Variants in WFS1 observed in about 807,000 individuals in gnomAD.
WFS1 encodes the protein wolframin ER transmembrane glycoprotein, also known as wolframin.
In WFS1, 90 loss-of-function variants were observed where a neutral mutation model predicts 68.5. That is an observed-to-expected ratio of 1.31 (90% CI 1.11 to 1.56). The LOEUF (loss-of-function observed/expected upper bound fraction) is 1.56, where lower values mean the gene tolerates loss of function less well. WFS1 is among the 40% of genes most tolerant of loss of function. The pLI is 0.00. For synonymous variants in WFS1, 860 were observed against 540.7 expected (o/e 1.59, Z -8.19); for missense variants, 1,767 against 1,232.6 (o/e 1.43, Z -6.49).
intron 1 of WFS1, among the ~76,000 whole-genome samples, chr4:6,271,215 G>A (rs1729829788): frequency 6.6e-6 from 1 of 152,206 alleles, no homozygotes; most frequent in South Asian, 2.1e-4. Flanking sequence ...GGTCTCCGTT[G>A]TATCCAACCA....
chr4:6,292,221 C>G (rs1388850060), intron 6 of WFS1, among the ~76,000 whole-genome samples: 2 of 152,226 alleles, frequency 1.3e-5, no homozygotes, highest in African/African-American at 2.4e-5. Context: ...GGAGTAGACC[C>G]TGCCCACCTG....
chr4:6,276,385 G>A (rs1482649954), intron 1 of WFS1, among the ~76,000 whole-genome samples: 4 of 152,190 alleles, frequency 2.6e-5, no homozygotes, highest in Non-Finnish European at 5.9e-5. Context: ...ATAAAATAAA[G>A]CCCTTGCTCC....
At chr4:6,292,932 G>A (rs563839914) in intron 6 of WFS1, among the ~76,000 whole-genome samples, 5 of 152,342 alleles carry the variant, frequency 3.3e-5, no homozygotes, top group African/African-American at 1.2e-4. Flanking sequence ...CGTCCATAGG[G>A]TGTGGTCAGA....
chr4:6,294,272 C>G (rs1431011220), intron 6 of WFS1, among the ~76,000 whole-genome samples: 1 of 152,152 alleles, frequency 6.6e-6, no homozygotes, highest in Non-Finnish European at 1.5e-5. Context: ...CTCATTCCCT[C>G]CTAGGGGATC....
rs111997357 is a variant in WFS1 at position 6,281,119 on chromosome 4, C to T, written c.232+3432C>T. Reference sequence around the variant, plus strand: ...GGGGTAGGGGGATTGCTTTGGCAGCCACAGGGACACAGATGCGGACAGGAG... The same window carrying T: ...GGGGTAGGGGGATTGCTTTGGCAGCTACAGGGACACAGATGCGGACAGGAG... On this transcript the variant is annotated intron_variant, in intron 2 of 7. Transcript: ENST00000226760. 4.4e-3 allele frequency among the ~76,000 whole-genome samples: 671 copies of T among 152,292 alleles called. 2 individuals carry two copies. The highest frequency in any genetic ancestry group is 7.2e-3 in the Non-Finnish European group (487 of 68,014).
rs1313751890 is a variant in WFS1, at chr4:6,300,662, C to T, written c.867C>T (p.Val289=). The change falls in exon 8 of 8, where the codon GTC becomes GTT. Residue 289 remains valine (V), a synonymous_variant. Transcript: ENST00000226760. The part of the protein sequence containing the change: ...PEDLPLRLKV[V]KYPLHAIMEI... ...ACGTACCATCTTTCCCCCAGGTGGT[C>T]AAGTACCCCCTGCACGCCATCATGG... is the stretch of plus-strand genomic sequence containing the variant. 6.2e-7 allele frequency: 1 copy of T among 1,613,834 alleles called. No homozygotes were observed. Among genetic ancestry groups the T allele is most frequent in the African/African-American group, 1.3e-5 (1 of 74,860 alleles).
chr4:6,273,262 C>T (rs922724581), intron 1 of WFS1, among the ~76,000 whole-genome samples: 10 of 152,254 alleles, frequency 6.6e-5, no homozygotes, highest in Admixed American at 2.6e-4. Flanking sequence ...GGCGGCCTCT[C>T]AGCTGAACTC....
intron 7 of WFS1, among the ~76,000 whole-genome samples, chr4:6,299,728 ATGCGGGTAGGTTGCG>A (rs1730786921): frequency 4.1e-5 from 2 of 48,238 alleles, no homozygotes; most frequent in African/African-American, 1.6e-4. Flanking sequence ...GGTTGTGTGA[ATGCGGGTAGGTTGCG>A]TGTGTGTGTG....
chr4:6,291,153 C>G, intron 4 of WFS1, 44 bp from the exon 5 acceptor site: 1 of 1,606,622 alleles, frequency 6.2e-7, no homozygotes, highest in Non-Finnish European at 8.5e-7. Context: ...CACCGAAAGC[C>G]TAGGCAGGGC....
chr4:6,299,510 TGC>T lies in WFS1; in HGVS notation c.862-1145_862-1144del, dbSNP rs1295039704. 5.2e-4 allele frequency among the ~76,000 whole-genome samples: 73 copies of T among 141,160 alleles called. 2 individuals are homozygous for T. Among genetic ancestry groups the T allele is most frequent in the African/African-American group, 1.9e-3 (67 of 36,054 alleles). 92.6% of individuals were successfully genotyped at this position (141,160 alleles called of 152,430 possible). A position where few individuals can be genotyped will look rare whatever the true frequency, so the allele number is the denominator to read the frequency against. On this transcript the variant is annotated intron_variant, in intron 7 of 7. Transcript: ENST00000226760. ...TGTGCACGTGTGTGTAGGGGTGGGTTGCGTGTGTGTGAATGTGTATAGGGGTG... is the reference window on the plus strand; with the variant it reads ...TGTGCACGTGTGTGTAGGGGTGGGTTGTGTGTGTGAATGTGTATAGGGGTG...
chr4:6,285,116 C>A (rs1730274886), intron 2 of WFS1, among the ~76,000 whole-genome samples: 1 of 151,530 alleles, frequency 6.6e-6, no homozygotes, highest in African/African-American at 2.4e-5. Context: ...TCCTTGAGGA[C>A]CCCGGCAAGG....
intron 4 of WFS1, among the ~76,000 whole-genome samples, chr4:6,290,881 A>G (rs1730441507): frequency 6.6e-6 from 1 of 152,212 alleles, no homozygotes; most frequent in Admixed American, 6.5e-5. Context: ...TGAGTGAGCC[A>G]GAACACAGGC....
Position 6,280,802 on chromosome 4 carries a change from C to T in WFS1, c.232+3115C>T, listed in dbSNP as rs374505302. Among the ~76,000 whole-genome samples, 7 of 152,058 alleles carry T rather than the reference C, an allele frequency of 4.6e-5. No individual in the cohort carries two copies. The East Asian group carries it at 1.4e-3, about 29-fold the overall frequency. ...GCGGCCCTGAGCTCTCCTGCTGTCTCTGTCATTCACGGGTCTACCAGTAGG... is the reference window on the plus strand; with the variant it reads ...GCGGCCCTGAGCTCTCCTGCTGTCTTTGTCATTCACGGGTCTACCAGTAGG... On this transcript the variant is annotated intron_variant, in intron 2 of 7. Coordinates refer to ENST00000226760, the MANE Select transcript of WFS1 (RefSeq NM_006005.3).
chr4:6,275,358 C>T (rs982837777), intron 1 of WFS1, among the ~76,000 whole-genome samples: 2 of 152,174 alleles, frequency 1.3e-5, no homozygotes, highest in African/African-American at 4.8e-5. Context: ...TTGCCCACAG[C>T]GTGTGGGTTC....
intron 2 of WFS1, among the ~76,000 whole-genome samples, chr4:6,280,886 G>A (rs528237485): frequency 4.6e-5 from 7 of 151,338 alleles, no homozygotes; most frequent in South Asian, 2.1e-4. Context: ...TTTCCGAGTC[G>A]TACCCGCCAC....
rs147465252 is a variant in WFS1 at position 6,302,046 on chromosome 4, G to C, written c.2251G>C (p.Glu751Gln). 1.4e-5 allele frequency: 22 copies of C among 1,612,802 alleles called. No homozygotes were observed. The African/African-American group carries it at 2.7e-4, about 20-fold the overall frequency. Residue 751 changes from glutamate (E) to glutamine (Q), a missense_variant, in exon 8 of 8, where the codon GAG becomes CAG. Transcript: ENST00000226760. ...CAGCCCTGGCAACACCTCCACGGCC[G>C]AGGAGGAGCTCTGTCGCCTTAAGCT... ...ACSPGNTSTA[E>Q]EELCRLKLLA... is the part of the protein sequence containing the mutation.
chr4:6,297,710 T>C (rs1730675207), intron 7 of WFS1, among the ~76,000 whole-genome samples: 1 of 152,128 alleles, frequency 6.6e-6, no homozygotes, highest in African/African-American at 2.4e-5. Context: ...AGCTCTGCAG[T>C]GTTCTATTCA....
Position 6,294,819 on chromosome 4 carries a change from G to A in WFS1, c.713-222G>A. 4.8e-6 allele frequency: 3 copies of A among 621,470 alleles called. No homozygotes were observed. In the South Asian group the frequency reaches 5.5e-5, roughly 11 times the overall value. 38.5% of individuals were successfully genotyped at this position (621,470 alleles called of 1,614,324 possible). A position where few individuals can be genotyped will look rare whatever the true frequency, so the allele number is the denominator to read the frequency against. On this transcript the variant is annotated intron_variant, in intron 6 of 7. Coordinates refer to ENST00000226760, the MANE Select transcript of WFS1 (RefSeq NM_006005.3). ...GGGACAGCACACCCAGGGGCCGGGG[G>A]CCAGGAGTGGAGGCTGGCACTTGGC...
Position 6,301,023 on chromosome 4 carries a change from C to T in WFS1, c.1228C>T (p.Leu410Phe), listed in dbSNP as rs184573849. 1 of 1,614,066 alleles carries T rather than the reference C, an allele frequency of 6.2e-7. No homozygotes were observed. The highest frequency in any genetic ancestry group is 2.2e-5 in the East Asian group (1 of 44,866). The part of the protein sequence containing the change: ...NHLEPYAHFL[L>F]SVFFVIFSFP... ...CCTGGAGCCCTATGCCCATTTCCTGCTCTCTGTCTTCTTCGTCATCTTCTC... is the reference window on the plus strand; with the variant it reads ...CCTGGAGCCCTATGCCCATTTCCTGTTCTCTGTCTTCTTCGTCATCTTCTC... Residue 410 changes from leucine (L) to phenylalanine (F), a missense_variant, in exon 8 of 8, where the codon CTC becomes TTC. Transcript: ENST00000226760.
Sources: gnomAD v4.1 joint callset for allele counts (sites outside exome capture counted in the v4.1 genomes callset) on GRCh38, gnomAD v4.1.1 for gene constraint, MANE v1.5 for transcripts, NCBI Gene and HGNC (gene_info 2026-07-23, HGNC 2026-07-21) for gene names.